ARL10: variants seen among roughly 807,000 people sequenced by gnomAD.
ARL10 encodes ADP-ribosylation factor-like protein 10.
ARL10 carries 23 observed loss-of-function variants against 26.1 expected under a neutral mutation model. The ratio of observed to expected loss-of-function variants is 0.88; its 90% confidence interval spans 0.63 to 1.25. The LOEUF (loss-of-function observed/expected upper bound fraction) is 1.25, where lower values mean the gene tolerates loss of function less well. ARL10 is among the 50% of genes most tolerant of loss of function. ARL10 has a pLI of 0.00. For missense variants in ARL10, 300 were observed against 323.6 expected, an observed-to-expected ratio of 0.93 and a Z score of 0.56; for synonymous variants, 138 against 149.1, an observed-to-expected ratio of 0.93 and a Z score of 0.54.
chr5:176,375,132 C>T lies in ARL10; in HGVS notation c.*3237C>T, dbSNP rs1768650204. ...TCCCTCCATCCGTCCACCCGTCCAC[C>T]CGTCCACCCATCCACCCACCCACCC... is the stretch of plus-strand genomic sequence containing the variant. On this transcript the variant is annotated 3_prime_UTR_variant, in exon 4 of 4. Coordinates refer to ENST00000310389, the MANE Select transcript of ARL10 (RefSeq NM_173664.6). The T allele has an allele frequency of 7.0e-6, 1 of 142,788 alleles. No individual in the cohort carries two copies. The highest frequency in any genetic ancestry group is 1.5e-5 in the Non-Finnish European group (1 of 65,094). 8.8% of individuals were successfully genotyped at this position (142,788 alleles called of 1,614,324 possible).
chr5:176,390,434 T>C (rs1345691468), downstream of ARL10, among the ~76,000 whole-genome samples: 2 of 151,840 alleles, frequency 1.3e-5, no homozygotes, highest in Non-Finnish European at 2.9e-5. Context: ...ATCTAGACCA[T>C]CTAGTTCTTT....
chr5:176,398,091 C>T (rs375306665), intron 1 of ARL10: 84 of 1,564,230 alleles, frequency 5.4e-5, no homozygotes, highest in Non-Finnish European at 7.0e-5. Flanking sequence ...AGCACACCTG[C>T]CCCGCTGTCT....
downstream of ARL10, among the ~76,000 whole-genome samples, chr5:176,402,792 AAC>A (rs1274165113): frequency 6.6e-6 from 1 of 152,192 alleles, no homozygotes; most frequent in Non-Finnish European, 1.5e-5. Flanking sequence ...ACCTTGCTGG[AAC>A]ACAGTTCAGA....
downstream of ARL10, chr5:176,384,448 C>T (rs1195536201): frequency 1.4e-6 from 2 of 1,450,488 alleles, no homozygotes; most frequent in South Asian, 2.6e-5. Flanking sequence ...CTGAATTAGG[C>T]AAGCCACTTG....
chr5:176,409,854 C>T, the ARL10 span, among the ~76,000 whole-genome samples: 1 of 152,200 alleles, frequency 6.6e-6, no homozygotes. Flanking sequence ...CCAATTATTT[C>T]CTTTGGGAAA....
intron 1 of ARL10, among the ~76,000 whole-genome samples, chr5:176,396,771 G>A (rs1756543963): frequency 6.6e-6 from 1 of 152,118 alleles, no homozygotes; most frequent in Non-Finnish European, 1.5e-5. Context: ...TGTTACTCCT[G>A]TTCAAACACC....
At chr5:176,385,265 CA>C (rs1755746482), downstream of ARL10, 4 of 1,613,388 alleles carry the variant, frequency 2.5e-6, no homozygotes, top group Non-Finnish European at 3.4e-6. Flanking sequence ...CGTACATAGT[CA>C]ATGAGGTCCC....
the ARL10 span, among the ~76,000 whole-genome samples, chr5:176,412,432 C>T: frequency 7.2e-5 from 11 of 152,240 alleles, no homozygotes; most frequent in South Asian, 2.1e-4. Context: ...GGCTCCAGCA[C>T]GGAATGGGTG....
downstream of ARL10, chr5:176,392,779 G>A (rs774449009): frequency 5.0e-6 from 8 of 1,613,890 alleles, no homozygotes; most frequent in African/African-American, 2.7e-5. This position sits in a 1 kb window ranked among gnomAD's most constrained non-coding sequence, Gnocchi z 5.2. Context: ...GGCACCTAGC[G>A]GGACAGTGGC....
downstream of ARL10, among the ~76,000 whole-genome samples, chr5:176,391,197 T>C (rs1392007469): frequency 6.6e-6 from 1 of 152,176 alleles, no homozygotes; most frequent in African/African-American, 2.4e-5. Flanking sequence ...TGTAGAGCAG[T>C]GCACTGTGGT....
chr5:176,394,976 C>T (rs1443943857), intron 1 of ARL10, among the ~76,000 whole-genome samples: 31 of 152,230 alleles, frequency 2.0e-4, no homozygotes, highest in Non-Finnish European at 8.8e-5. Context: ...TTGCTGGAAG[C>T]CTCCTGTGGC....
the ARL10 span, among the ~76,000 whole-genome samples, chr5:176,409,145 T>C: frequency 6.6e-6 from 1 of 151,980 alleles, no homozygotes; most frequent in Non-Finnish European, 1.5e-5. Context: ...CCCAGCTAAT[T>C]TTGTATTTTT....
chr5:176,406,540 A>G, downstream of ARL10: 1 of 1,270,386 alleles, frequency 7.9e-7, no homozygotes, highest in Non-Finnish European at 1.0e-6. Context: ...TGGGAGTATT[A>G]GGGGAAAGGA....
chr5:176,412,083 G>C, the ARL10 span, among the ~76,000 whole-genome samples: 1 of 151,758 alleles, frequency 6.6e-6, no homozygotes, highest in Non-Finnish European at 1.5e-5. Flanking sequence ...GGCTGAGGCA[G>C]GAGAATGGTG....
downstream of ARL10, among the ~76,000 whole-genome samples, chr5:176,404,982 G>A (rs1002735964): frequency 3.9e-5 from 6 of 152,158 alleles, no homozygotes; most frequent in African/African-American, 7.2e-5. Flanking sequence ...CAACTCGAGC[G>A]AGCTGTTAAA....
chr5:176,389,106 G>A, downstream of ARL10: 1 of 1,266,880 alleles, frequency 7.9e-7, no homozygotes, highest in South Asian at 1.4e-5. Context: ...GCGGGGCGGT[G>A]AGGGGCGAAA....
chr5:176,367,002 C>CTTTTTT (rs67066126), intron 2 of ARL10, among the ~76,000 whole-genome samples: 44 of 106,518 alleles, frequency 4.1e-4, no homozygotes, highest in Middle Eastern at 6.3e-3. Flanking sequence ...CCTTTCTAGT[C>CTTTTTT]TTTTTTTTTT....
downstream of ARL10, chr5:176,389,238 A>G (rs1345062806): frequency 8.4e-6 from 12 of 1,422,054 alleles, no homozygotes; most frequent in African/African-American, 1.4e-5. Context: ...GCTGTGATCC[A>G]GAGATCTTGG....
intron 3 of ARL10, 192 bp downstream of exon 3, chr5:176,369,174 C>G: frequency 6.5e-7 from 1 of 1,533,038 alleles, no homozygotes; most frequent in Non-Finnish European, 8.7e-7. Context: ...TCATCTCGTA[C>G]TCTGGAGAGA....
Sources: gnomAD v4.1 joint callset for allele counts (sites outside exome capture counted in the v4.1 genomes callset) on GRCh38, gnomAD v4.1.1 for gene constraint, Gnocchi (gnomAD v3.1) non-coding constraint, MANE v1.5 for transcripts, NCBI Gene and HGNC (gene_info 2026-07-23, HGNC 2026-07-21) for gene names.